RREB1: variants seen among roughly 807,000 people sequenced by gnomAD.
RREB1 encodes the protein ras responsive element binding protein 1.
In RREB1, 27 loss-of-function variants were observed where a neutral mutation model predicts 117.8. The observed-to-expected ratio is 0.23, with a 90% CI of 0.17 to 0.32. The LOEUF (loss-of-function observed/expected upper bound fraction) is 0.32, where lower values mean the gene tolerates loss of function less well. Among genes scored for constraint, RREB1 ranks in the 10% least tolerant of loss-of-function variants. The pLI, the probability that RREB1 is intolerant of heterozygous loss-of-function variation, is 1.00. For synonymous variants in RREB1, 1,298 were observed against 1,026.7 expected (o/e 1.26, Z -5.05); for missense variants, 2,577 against 2,378.2 (o/e 1.08, Z -1.74).
At position 7,246,697 on chromosome 6, in the gene RREB1, T is replaced by C; in HGVS notation, c.4247T>C (p.Leu1416Pro). The C allele has an allele frequency of 6.3e-7, 1 of 1,584,578 alleles. No homozygotes were observed. ...GAGGACGCGTCGAGCAACCAGAGCC[T>C]GGACCTGGACTTCGCCACCAAGCTC... ...AEEDASSNQS[L>P]DLDFATKLMD... Residue 1416 changes from leucine to proline, a missense_variant, in exon 12 of 13, where the codon CTG becomes CCG. Leu to Pro is a moderately conservative substitution (Grantham distance 98, BLOSUM62 -3). Transcript: ENST00000379938.
rs1048175801 is a variant in RREB1 at position 7,251,765 on chromosome 6, A to G, written c.*2797A>G. 4 of 152,318 alleles carry G rather than the reference A, an allele frequency of 2.6e-5. No homozygotes were observed. The highest frequency in any genetic ancestry group is 4.4e-5 in the Non-Finnish European group (3 of 68,028). The allele number at this position is 152,318 out of a possible 1,614,324, so 9.4% of individuals were successfully genotyped here. A position where few individuals can be genotyped will look rare whatever the true frequency, so the allele number is the denominator to read the frequency against. On this transcript the variant is annotated 3_prime_UTR_variant, in exon 13 of 13. Transcript: ENST00000379938. ...AAACAGGAAACAATAATAAATTTGT[A>G]GAATTCATATTTTTCTAAAGGGAAC...
intron 4 of RREB1, 70 bp downstream of exon 4, chr6:7,182,152 GT>G: frequency 1.5e-6 from 2 of 1,370,950 alleles, no homozygotes; most frequent in Non-Finnish European, 1.0e-6. Flanking sequence ...ATGTTTCCGA[GT>G]TTCCTATGAT....
chr6:7,160,335 TA>T (rs943486614), intron 1 of RREB1, among the ~76,000 whole-genome samples: 11 of 151,366 alleles, frequency 7.3e-5, no homozygotes, highest in South Asian at 2.1e-4. Flanking sequence ...TAAGTTTTTT[TA>T]AAAAAAAATA....
At chr6:7,166,313 T>G (rs1448149375) in intron 1 of RREB1, among the ~76,000 whole-genome samples, 1 of 152,280 alleles carries the variant, frequency 6.6e-6, no homozygotes, top group African/African-American at 2.4e-5. Flanking sequence ...CAGTTTACTT[T>G]AAGAAAACCC....
chr6:7,231,195 C>T lies in RREB1; in HGVS notation c.3096C>T (p.Ser1032=), dbSNP rs530077153. Residue 1032 remains serine (S), a synonymous_variant, in exon 10 of 13, where the codon AGC becomes AGT. Transcript: ENST00000379938. ...ALVSSPPLVG[S]SALLSGTALL... ...TCAGCAGCCCTCCACTCGTGGGCAGCTCAGCCCTCCTGAGTGGCACAGCCT... is the reference window on the plus strand; with the variant it reads ...TCAGCAGCCCTCCACTCGTGGGCAGTTCAGCCCTCCTGAGTGGCACAGCCT... The T allele has an allele frequency of 6.2e-7, 1 of 1,611,750 alleles. No homozygotes were observed. Among genetic ancestry groups the T allele is most frequent in the Non-Finnish European group, 8.5e-7 (1 of 1,179,362 alleles).
At chr6:7,208,422 C>T (rs570682368) in intron 6 of RREB1, among the ~76,000 whole-genome samples, 46 of 152,300 alleles carry the variant, frequency 3.0e-4, no homozygotes, top group African/African-American at 1.1e-3. Context: ...GCAGTTCACC[C>T]GTGGGCTGAA....
At chr6:7,125,035 G>A (rs1259833305) in intron 1 of RREB1, among the ~76,000 whole-genome samples, 1 of 152,180 alleles carries the variant, frequency 6.6e-6, no homozygotes, top group African/African-American at 2.4e-5. Flanking sequence ...TCTGGCTTGT[G>A]GAAACAGCAG....
intron 1 of RREB1, among the ~76,000 whole-genome samples, chr6:7,152,752 G>A (rs1763181780): frequency 6.6e-6 from 1 of 152,196 alleles, no homozygotes; most frequent in African/African-American, 2.4e-5. Context: ...AGAAGTCACT[G>A]AGCTCCTTAG....
At chr6:7,237,188 C>T (rs1050240374) in intron 10 of RREB1, among the ~76,000 whole-genome samples, 3 of 152,124 alleles carry the variant, frequency 2.0e-5, no homozygotes, top group Non-Finnish European at 2.9e-5. Context: ...CGGGTTCAAG[C>T]GATTCTCCTG....
At chr6:7,211,787 C>G (rs1766624070) in intron 8 of RREB1, 78 bp downstream of exon 8, 6 of 1,431,182 alleles carry the variant, frequency 4.2e-6, no homozygotes, top group Non-Finnish European at 4.9e-6. Flanking sequence ...TCCCGTTACT[C>G]CACACCGGGC....
At chr6:7,163,541 G>A (rs1446662378) in intron 1 of RREB1, among the ~76,000 whole-genome samples, 4 of 152,022 alleles carry the variant, frequency 2.6e-5, no homozygotes, top group African/African-American at 7.2e-5. Flanking sequence ...ACAGGCACCC[G>A]CCACCACGCC....
chr6:7,121,218 C>A (rs141995617), intron 1 of RREB1, among the ~76,000 whole-genome samples: 55 of 152,202 alleles, frequency 3.6e-4, no homozygotes, highest in African/African-American at 1.3e-3. Flanking sequence ...CTTTGGCCTT[C>A]CAAAATGCTG....
In RREB1 at chr6:7,211,703, C is replaced by T; in HGVS notation, c.701C>T (p.Pro234Leu). 1.9e-6 allele frequency: 3 copies of T among 1,614,112 alleles called. No homozygotes were observed. Among genetic ancestry groups the T allele is most frequent in the Non-Finnish European group, 2.5e-6 (3 of 1,179,958 alleles). Residue 234 changes from proline to leucine, a missense_variant, in exon 8 of 13, where the codon CCA becomes CTA. Physicochemically the swap from Pro to Leu is moderately conservative, Grantham distance 98. Coordinates refer to ENST00000379938, the MANE Select transcript of RREB1 (RefSeq NM_001003699.4). Reference protein sequence around the residue: ...ETHMETHSDNPLRCDICCVTF... With the variant: ...ETHMETHSDNLLRCDICCVTF... ...CACATGGAGACCCATTCAGATAACC[C>T]ACTAAGGTAGGAGAAAGAGTGAACT...
chr6:7,135,303 T>C (rs1666939309), intron 1 of RREB1, among the ~76,000 whole-genome samples: 1 of 152,164 alleles, frequency 6.6e-6, no homozygotes, highest in Non-Finnish European at 1.5e-5. Flanking sequence ...AACAAAAACC[T>C]TTGTAAGGAT....
At chr6:7,207,269 A>G (rs1218792964) in intron 6 of RREB1, among the ~76,000 whole-genome samples, 1 of 152,232 alleles carries the variant, frequency 6.6e-6, no homozygotes, top group African/African-American at 2.4e-5. Context: ...AAGAGCATAC[A>G]TATTTAAAAT....
At chr6:7,157,053 C>T (rs111460332) in intron 1 of RREB1, among the ~76,000 whole-genome samples, 17 of 152,168 alleles carry the variant, frequency 1.1e-4, no homozygotes, top group African/African-American at 3.6e-4. Flanking sequence ...TCCTTTGCTC[C>T]GTAATCCATC....
intron 1 of RREB1, among the ~76,000 whole-genome samples, chr6:7,170,705 T>A (rs545006441): frequency 6.6e-6 from 1 of 152,348 alleles, no homozygotes; most frequent in East Asian, 1.9e-4. Context: ...CATTTATTAT[T>A]ATTTTTTATT....
At chr6:7,194,590 T>C (rs1446633689) in intron 6 of RREB1, among the ~76,000 whole-genome samples, 3 of 152,204 alleles carry the variant, frequency 2.0e-5, no homozygotes, top group African/African-American at 7.2e-5. Context: ...TTTCTGGTAC[T>C]GATTTTCCTT....
chr6:7,181,759 G>A (rs1326482100), intron 3 of RREB1, 111 bp from the exon 4 acceptor site: 10 of 789,078 alleles, frequency 1.3e-5, no homozygotes, highest in East Asian at 2.4e-5. Context: ...GAAAGACAGC[G>A]TTGGATGTTT....
Sources: gnomAD v4.1 joint callset for allele counts (sites outside exome capture counted in the v4.1 genomes callset) on GRCh38, gnomAD v4.1.1 for gene constraint, MANE v1.5 for transcripts, NCBI Gene and HGNC (gene_info 2026-07-23, HGNC 2026-07-21) for gene names.